The following ZNF141 variants were observed in gnomAD, a reference collection of about 807,000 sequenced individuals.
The protein encoded by ZNF141 is zinc finger protein 141 (clone pHZ-44).
In ZNF141, 7 loss-of-function variants were observed where a neutral mutation model predicts 11.3. The ratio of observed to expected loss-of-function variants is 0.62; its 90% CI spans 0.35 to 1.16. The LOEUF (loss-of-function observed/expected upper bound fraction) is 1.16, where lower values mean the gene tolerates loss of function less well. Ranked by LOEUF, ZNF141 falls within the 50% of genes most tolerant of loss-of-function variation. The pLI is 0.02. For synonymous variants in ZNF141, 183 were observed against 190.7 expected (o/e 0.96, Z 0.33); for missense variants, 535 against 554.0 (o/e 0.97, Z 0.34).
chr4:378,489 C>T lies in ZNF141; in HGVS notation c.*4627C>T, dbSNP rs928774749. 6.6e-6 allele frequency among the ~76,000 whole-genome samples: 1 copy of T among 152,002 alleles called. No homozygotes were observed. The highest frequency in any genetic ancestry group is 2.4e-5 in the African/African-American group (1 of 41,404). ...TTCACCATGTTGGCCAGGATGGTCT[C>T]GATCTTTTGACCTCATGATCTGCCT... On this transcript the variant is annotated 3_prime_UTR_variant, in exon 4 of 4. Coordinates refer to ENST00000240499, the MANE Select transcript of ZNF141 (RefSeq NM_003441.4).
At chr4:355,551 A>G (rs1453033711) in intron 3 of ZNF141, among the ~76,000 whole-genome samples, 1 of 152,168 alleles carries the variant, frequency 6.6e-6, no homozygotes, top group Non-Finnish European at 1.5e-5. Context: ...ATATAAATAT[A>G]GGCATTCCTA....
chr4:372,807 A>C lies in ZNF141; in HGVS notation c.370A>C (p.Lys124Gln), dbSNP rs2229296. Residue 124 changes from lysine to glutamine, a missense_variant, in exon 4 of 4, where the codon AAG (lysine) becomes CAG (glutamine). Physicochemically the swap from Lys to Gln is moderately conservative, Grantham distance 53. Transcript: ENST00000240499. Reference protein sequence around the residue: ...RKGCKSLNECKLQKGGYNEFN... With the variant: ...RKGCKSLNECQLQKGGYNEFN... Reference sequence around the variant, plus strand: ...AGGCTGTAAAAGTTTGAATGAGTGTAAGTTGCAGAAAGGAGGTTATAATGA... The same window carrying C: ...AGGCTGTAAAAGTTTGAATGAGTGTCAGTTGCAGAAAGGAGGTTATAATGA... The C allele has an allele frequency of 6.2e-7, 1 of 1,613,868 alleles. No homozygotes were observed. The highest frequency in any genetic ancestry group is 8.5e-7 in the Non-Finnish European group (1 of 1,179,872).
intron 3 of ZNF141, among the ~76,000 whole-genome samples, chr4:364,054 G>A (rs142437986): frequency 1.3e-5 from 2 of 152,158 alleles, no homozygotes; most frequent in African/African-American, 4.8e-5. Flanking sequence ...GTTGATCATG[G>A]TAGATGAGCT....
At chr4:352,846 T>A (rs1459687821) in intron 3 of ZNF141, among the ~76,000 whole-genome samples, 2 of 152,090 alleles carry the variant, frequency 1.3e-5, no homozygotes, top group Non-Finnish European at 2.9e-5. Flanking sequence ...AATTATTAAA[T>A]TTGAGGGAGG....
Position 379,636 on chromosome 4 carries a change from G to A in ZNF141, c.*5774G>A, listed in dbSNP as rs1712526904. Among the ~76,000 whole-genome samples, 1 of 152,138 alleles carries A rather than the reference G, an allele frequency of 6.6e-6. No homozygotes were observed. The highest frequency in any genetic ancestry group is 1.5e-5 in the Non-Finnish European group (1 of 68,034). Reference sequence around the variant, plus strand: ...GATCCTGCCACCTTGGCCTCCCAAAGTTCTGGAATTACAGGCGTGAGCCAC... The same window carrying A: ...GATCCTGCCACCTTGGCCTCCCAAAATTCTGGAATTACAGGCGTGAGCCAC... On this transcript the variant is annotated 3_prime_UTR_variant, in exon 4 of 4. Transcript: ENST00000240499.
At position 381,326 on chromosome 4, in the gene ZNF141, C is replaced by G. The variant is rs1014203054; in HGVS notation, c.*7464C>G. Among the ~76,000 whole-genome samples the G allele has an allele frequency of 4.0e-5, 6 of 151,052 alleles. No homozygotes were observed. The highest frequency in any genetic ancestry group is 1.5e-4 in the African/African-American group (6 of 41,028). ...AGGAACCTCAGCCGAGCAGTCAGAACTCACAGCTCTGACCAAACCCCTAGA... is the reference window on the plus strand; with the variant it reads ...AGGAACCTCAGCCGAGCAGTCAGAAGTCACAGCTCTGACCAAACCCCTAGA... On this transcript the variant is annotated 3_prime_UTR_variant, in exon 4 of 4. Transcript: ENST00000240499.
At chr4:344,499 T>C in intron 3 of ZNF141, 69 bp downstream of exon 3, 1 of 1,418,842 alleles carries the variant, frequency 7.0e-7, no homozygotes, top group Non-Finnish European at 9.7e-7. Flanking sequence ...AGCCAGGCCT[T>C]AAAATGTGGT....
chr4:377,890 G>A lies in ZNF141; in HGVS notation c.*4028G>A, dbSNP rs891921776. On this transcript the variant is annotated 3_prime_UTR_variant, in exon 4 of 4. Transcript: ENST00000240499. ...CTTAGAAATAAAATTTTTAGGCCAG[G>A]TGGCGGTGGTTCACACCTGTAATCC... The A allele has an allele frequency of 6.6e-6, 1 of 152,178 alleles. No homozygotes were observed. Among genetic ancestry groups the A allele is most frequent in the Non-Finnish European group, 1.5e-5 (1 of 68,038 alleles). The allele number at this position is 152,178 out of a possible 1,614,324, so 9.4% of individuals were successfully genotyped here.
chr4:370,514 A>G (rs1553853424), intron 3 of ZNF141, among the ~76,000 whole-genome samples: 1 of 151,958 alleles, frequency 6.6e-6, no homozygotes, highest in African/African-American at 2.4e-5. Context: ...CTTAGAAGCT[A>G]TTTTTCCTTC....
At chr4:367,768 G>A (rs1711820892) in intron 3 of ZNF141, among the ~76,000 whole-genome samples, 1 of 151,914 alleles carries the variant, frequency 6.6e-6, no homozygotes, top group Non-Finnish European at 1.5e-5. Context: ...GTCCGCCACG[G>A]CCTCCCAACA....
At chr4:346,387 A>T (rs1300503209) in intron 3 of ZNF141, among the ~76,000 whole-genome samples, 1 of 152,222 alleles carries the variant, frequency 6.6e-6, no homozygotes, top group Non-Finnish European at 1.5e-5. Context: ...TTTGATATGC[A>T]TCTACATTGT....
rs781796258 is a variant in ZNF141, at chr4:373,339, A to C, written c.902A>C (p.His301Pro). ...IFTSSSNFAK[H>P]KRIHTGEKPY... ...ACCTCATCCTCAAACTTTGCCAAAC[A>C]TAAGCGAATTCATACTGGAGAGAAA... Residue 301 changes from histidine to proline, a missense_variant, in exon 4 of 4, where the codon CAT becomes CCT. Coordinates refer to ENST00000240499, the MANE Select transcript of ZNF141 (RefSeq NM_003441.4). The C allele has an allele frequency of 1.2e-6, 2 of 1,614,052 alleles. No homozygotes were observed. Among genetic ancestry groups the C allele is most frequent in the African/African-American group, 1.3e-5 (1 of 75,054 alleles).
At chr4:357,978 C>T (rs868971370) in intron 3 of ZNF141, among the ~76,000 whole-genome samples, 1 of 151,680 alleles carries the variant, frequency 6.6e-6, no homozygotes, top group Non-Finnish European at 1.5e-5. Flanking sequence ...CTCAGCCTCC[C>T]GAAGTGCTGG....
intron 3 of ZNF141, among the ~76,000 whole-genome samples, chr4:360,207 G>T (rs1321289980): frequency 6.6e-6 from 1 of 152,130 alleles, no homozygotes; most frequent in Non-Finnish European, 1.5e-5. Flanking sequence ...TTTTGTTACT[G>T]TAGAAAGTGT....
intron 3 of ZNF141, among the ~76,000 whole-genome samples, chr4:365,488 A>G (rs1422978397): frequency 6.6e-6 from 1 of 150,412 alleles, no homozygotes; most frequent in Non-Finnish European, 1.5e-5. Context: ...TCTCTGCTCT[A>G]TTTTTAAATT....
chr4:371,180 A>AG (rs1712040163), intron 3 of ZNF141, among the ~76,000 whole-genome samples: 1 of 149,210 alleles, frequency 6.7e-6, no homozygotes. Flanking sequence ...ATTGAGTTTT[A>AG]TTCAGGTCAA....
intron 3 of ZNF141, among the ~76,000 whole-genome samples, chr4:367,519 CTTT>C (rs782804343): frequency 2.8e-5 from 4 of 140,974 alleles, no homozygotes; most frequent in Non-Finnish European, 4.6e-5. Context: ...ACTTTACAAT[CTTT>C]TTTTTTTTTT....
chr4:373,667 G>A lies in ZNF141; in HGVS notation c.1230G>A (p.Arg410=). Residue 410 remains arginine (R), a synonymous_variant, in exon 4 of 4, where the codon CGG becomes CGA. Transcript: ENST00000240499. The stretch of plus-strand genomic sequence containing the variant: ...AAGCCTTTAGACGGTCCACAGATCG[G>A]AGTCAACATAAGAAAATTCATAGTG... ...CGKAFRRSTD[R]SQHKKIHSAD... is the part of the protein sequence containing the mutation. The A allele has an allele frequency of 6.2e-7, 1 of 1,613,908 alleles. No homozygotes were observed. The highest frequency in any genetic ancestry group is 8.5e-7 in the Non-Finnish European group (1 of 1,179,968).
In ZNF141 at chr4:377,437, G is replaced by A. The variant is rs138062727; in HGVS notation, c.*3575G>A. ...AACCAACTCATTATGAATGTAAAGA[G>A]GATTTCTTTTCTTATTTTCTAATTA... On this transcript the variant is annotated 3_prime_UTR_variant, in exon 4 of 4. Transcript: ENST00000240499. 1.2e-4 allele frequency among the ~76,000 whole-genome samples: 19 copies of A among 152,262 alleles called. No individual in the cohort carries two copies. Among genetic ancestry groups the A allele is most frequent in the African/African-American group, 4.3e-4 (18 of 41,552 alleles).
Sources: allele counts gnomAD v4.1 joint callset (sites outside exome capture counted in the v4.1 genomes callset), GRCh38; gene constraint gnomAD v4.1.1; transcripts MANE v1.5; gene names NCBI Gene and HGNC (gene_info 2026-07-23, HGNC 2026-07-21).